EPHA7: variants seen among roughly 807,000 people sequenced by gnomAD.
The protein encoded by EPHA7 is EPH receptor A7.
Under a neutral mutation model 112.6 loss-of-function variants are expected in EPHA7, and 25 were observed. The ratio of observed to expected loss-of-function variants is 0.22; its 90% confidence interval spans 0.16 to 0.31. EPHA7 has a LOEUF of 0.31. EPHA7 is among the 10% of genes least tolerant of loss of function. The pLI is 1.00. For synonymous variants in EPHA7, 437 were observed against 406.5 expected (o/e 1.07, Z -0.90); for missense variants, 962 against 1,212.6 (o/e 0.79, Z 3.07).
At chr6:93,269,759 A>G in intron 6 of EPHA7, 99 bp from the exon 7 acceptor site, 4 of 961,660 alleles carry the variant, frequency 4.2e-6, no homozygotes, top group Non-Finnish European at 6.1e-6. Context: ...CATTGTTTTT[A>G]TAGAGGCTAC....
At chr6:93,292,382 T>G (rs542785754) in intron 5 of EPHA7, among the ~76,000 whole-genome samples, 51 of 152,230 alleles carry the variant, frequency 3.4e-4, no homozygotes, top group Non-Finnish European at 5.1e-4. Context: ...GTATTTTAAA[T>G]ATCTCTGTCT....
intron 14 of EPHA7, among the ~76,000 whole-genome samples, chr6:93,251,400 A>G (rs1425914748): frequency 6.6e-6 from 1 of 151,826 alleles, no homozygotes; most frequent in African/African-American, 2.4e-5. Context: ...ATTTTTTAAC[A>G]TCCTAATATC....
intron 5 of EPHA7, among the ~76,000 whole-genome samples, chr6:93,312,440 AGCATCTAACTT>A (rs1773589582): frequency 6.6e-6 from 1 of 151,700 alleles, no homozygotes; most frequent in African/African-American, 2.4e-5. Context: ...TACCCTTGCT[AGCATCTAACTT>A]GCCTTCTGAG....
chr6:93,415,775 T>TAATAAA (rs1779192375), intron 1 of EPHA7, among the ~76,000 whole-genome samples: 2 of 152,140 alleles, frequency 1.3e-5, no homozygotes, highest in Admixed American at 1.3e-4. Context: ...GTCAATAGGC[T>TAATAAA]TAACATCAGC....
chr6:93,414,553 T>C, intron 2 of EPHA7, 150 bp downstream of exon 2: 4 of 657,320 alleles, frequency 6.1e-6, no homozygotes, highest in Non-Finnish European at 1.1e-5. Context: ...GGGAACTCAA[T>C]GTCTCATTAT....
intron 5 of EPHA7, among the ~76,000 whole-genome samples, chr6:93,336,772 A>G (rs1428628727): frequency 6.6e-6 from 1 of 152,080 alleles, no homozygotes; most frequent in Non-Finnish European, 1.5e-5. Context: ...CCACTGCTCA[A>G]GTAACCAAGA....
In EPHA7 at chr6:93,358,355, G is replaced by C; in HGVS notation, c.889C>G (p.Pro297Ala). 3 of 1,612,900 alleles carry C rather than the reference G, an allele frequency of 1.9e-6. No individual in the cohort carries two copies. The highest frequency in any genetic ancestry group is 2.5e-6 in the Non-Finnish European group (3 of 1,179,366). ...TCTTTATCAGAAAAACTGTGAGTTG[G>C]ACAACGAGAGCACTGAAGATCTTGA... ...SSQDLQCSRC[P>A]THSFSDKEGS... is the part of the protein sequence containing the mutation. Residue 297 changes from proline to alanine, a missense_variant, in exon 4 of 17, where the codon CCA becomes GCA. Transcript: ENST00000369303.
At chr6:93,406,539 G>A (rs1202584235) in intron 3 of EPHA7, among the ~76,000 whole-genome samples, 2 of 151,734 alleles carry the variant, frequency 1.3e-5, no homozygotes, top group African/African-American at 4.8e-5. Context: ...TGGTAAACAG[G>A]ATTTTTGAAT....
chr6:93,258,212 G>C lies in EPHA7; in HGVS notation c.1997C>G (p.Thr666Ser). 3 of 1,613,342 alleles carry C rather than the reference G, an allele frequency of 1.9e-6. No individual in the cohort carries two copies. The highest frequency in any genetic ancestry group is 2.5e-6 in the Non-Finnish European group (3 of 1,179,582). Reference protein sequence around the residue: ...GKRDVAVAIKTLKVGYTEKQR... With the variant: ...GKRDVAVAIKSLKVGYTEKQR... Reference sequence around the variant, plus strand: ...TTTTTCTGTGTAACCAACTTTCAGGGTTTTTATGGCTACTGCAACATCTCT... The same window carrying C: ...TTTTTCTGTGTAACCAACTTTCAGGCTTTTTATGGCTACTGCAACATCTCT... Residue 666 changes from threonine to serine, a missense_variant, in exon 11 of 17, where the codon ACC becomes AGC. Transcript: ENST00000369303.
intron 3 of EPHA7, among the ~76,000 whole-genome samples, chr6:93,391,834 T>C (rs1777922845): frequency 6.6e-6 from 1 of 151,634 alleles, no homozygotes; most frequent in Non-Finnish European, 1.5e-5. Flanking sequence ...TACCTTCCAA[T>C]TACCTAAAAA....
intron 5 of EPHA7, among the ~76,000 whole-genome samples, chr6:93,295,298 C>T (rs1391588368): frequency 6.6e-6 from 1 of 151,862 alleles, no homozygotes; most frequent in Non-Finnish European, 1.5e-5. Context: ...CTTTAATATG[C>T]TGCTATATTT....
intron 3 of EPHA7, among the ~76,000 whole-genome samples, chr6:93,409,339 A>G (rs1214056042): frequency 6.6e-6 from 1 of 152,052 alleles, no homozygotes; most frequent in Non-Finnish European, 1.5e-5. Context: ...GCTCAGACAA[A>G]TATTACTAAC....
chr6:93,411,606 C>T (rs1219494890), intron 2 of EPHA7, among the ~76,000 whole-genome samples: 3 of 152,032 alleles, frequency 2.0e-5, no homozygotes, highest in Middle Eastern at 3.2e-3. Context: ...TTACAGAGTA[C>T]TTAAAAACAT....
intron 5 of EPHA7, among the ~76,000 whole-genome samples, chr6:93,304,596 T>C (rs1423344989): frequency 2.0e-5 from 3 of 151,994 alleles, no homozygotes; most frequent in African/African-American, 7.2e-5. Flanking sequence ...GTCCGGGAAA[T>C]TAGATAAAAA....
intron 5 of EPHA7, among the ~76,000 whole-genome samples, chr6:93,335,575 T>G (rs1039240985): frequency 6.6e-6 from 1 of 152,070 alleles, no homozygotes; most frequent in African/African-American, 2.4e-5. Context: ...AGATGTAGAA[T>G]AGTAGTGGGA....
intron 3 of EPHA7, among the ~76,000 whole-genome samples, chr6:93,360,356 G>A (rs1253039377): frequency 6.6e-6 from 1 of 152,062 alleles, no homozygotes; most frequent in African/African-American, 2.4e-5. Context: ...AACAGAGAAA[G>A]CAATGCTTTA....
At chr6:93,283,390 G>T (rs1170691573) in intron 5 of EPHA7, among the ~76,000 whole-genome samples, 1 of 152,118 alleles carries the variant, frequency 6.6e-6, no homozygotes, top group Non-Finnish European at 1.5e-5. Context: ...GGCTGCCCGA[G>T]CCAGCAGTGG....
At chr6:93,398,876 AAATAGTG>A (rs1477252796) in intron 3 of EPHA7, among the ~76,000 whole-genome samples, 2 of 152,092 alleles carry the variant, frequency 1.3e-5, no homozygotes, top group Admixed American at 1.3e-4. Context: ...AACATGTGCT[AAATAGTG>A]AACTTTAAAA....
chr6:93,362,758 C>T (rs948320579), intron 3 of EPHA7, among the ~76,000 whole-genome samples: 4 of 152,084 alleles, frequency 2.6e-5, no homozygotes, highest in African/African-American at 4.8e-5. Context: ...CATTCCCATG[C>T]CTCTTTAACT....
Sources: gnomAD v4.1 joint callset for allele counts (sites outside exome capture counted in the v4.1 genomes callset) on GRCh38, gnomAD v4.1.1 for gene constraint, MANE v1.5 for transcripts, NCBI Gene and HGNC (gene_info 2026-07-23, HGNC 2026-07-21) for gene names.